Variants in LAMP5 observed in about 807,000 individuals in gnomAD.
LAMP5 encodes lysosome-associated membrane glycoprotein 5.
In LAMP5, 36 loss-of-function variants were observed where a neutral mutation model predicts 30.2. The observed-to-expected ratio is 1.19, with a 90% CI of 0.91 to 1.57. The LOEUF (loss-of-function observed/expected upper bound fraction) is 1.57. LAMP5 is among the 40% of genes most tolerant of loss of function. The pLI is 0.00. For synonymous variants in LAMP5, 149 were observed against 134.6 expected (o/e 1.11, Z -0.74); for missense variants, 377 against 354.9 (o/e 1.06, Z -0.50).
Position 9,514,697 on chromosome 20 carries a change from C to T in LAMP5, c.-156C>T. 1 of 650,112 alleles carries T rather than the reference C, an allele frequency of 1.5e-6. No individual in the cohort carries two copies. 40.3% of individuals were successfully genotyped at this position (650,112 alleles called of 1,614,324 possible). The stretch of plus-strand genomic sequence containing the variant: ...TCGGTGCCGCGCTCGACACCGAGTC[C>T]TAGCTAGGCGCTCACAGAATACGCG... On this transcript the variant is annotated 5_prime_UTR_variant, in exon 1 of 6. Coordinates refer to ENST00000246070, the MANE Select transcript of LAMP5 (RefSeq NM_012261.4).
intron 1 of LAMP5, 119 bp from the exon 2 acceptor site, chr20:9,515,334 C>T: frequency 1.2e-6 from 1 of 869,536 alleles, no homozygotes; most frequent in Admixed American, 2.8e-5. Flanking sequence ...GTAGAGCGCA[C>T]AGCTGCTGGC....
chr20:9,519,417 A>G (rs2327182), intron 5 of LAMP5, among the ~76,000 whole-genome samples: 44,036 of 152,034 alleles, frequency 0.29, 10,266 homozygotes, highest in African/African-American at 0.65. Context: ...ACCACCTTCC[A>G]CCTTGATTAT....
At chr20:9,522,277 G>A (rs1044219481) in intron 5 of LAMP5, among the ~76,000 whole-genome samples, 15 of 152,106 alleles carry the variant, frequency 9.9e-5, no homozygotes, top group Admixed American at 2.0e-4. Flanking sequence ...CCAGATCTGC[G>A]GGAACTTTAG....
At chr20:9,520,540 A>T (rs576718250) in intron 5 of LAMP5, among the ~76,000 whole-genome samples, 1 of 151,832 alleles carries the variant, frequency 6.6e-6, no homozygotes, top group East Asian at 1.9e-4. Flanking sequence ...ATCACGTCAT[A>T]TATCTGCACA....
chr20:9,516,340 CA>C lies in LAMP5; in HGVS notation c.455del (p.His152ProfsTer50). 6.2e-7 allele frequency: 1 copy of C among 1,614,094 alleles called. No homozygotes were observed. The stretch of plus-strand genomic sequence containing the variant: ...TGTCTACGACTCCTCGGAGAAAACC[CA>C]CTTCAAAGACGCAGTCAGTGGTGAG... Reference protein sequence around the residue: ...QFVYDSSEKTHFKDAVSAGKH... With the variant: ...QFVYDSSEKTXFKDAVSAGKH... On this transcript the variant is annotated frameshift_variant, in exon 4 of 6. Transcript: ENST00000246070. LOFTEE classifies it high-confidence loss of function.
Position 9,516,271 on chromosome 20 carries a change from T to G in LAMP5, c.385T>G (p.Ser129Ala). 6.2e-7 allele frequency: 1 copy of G among 1,614,072 alleles called. No individual in the cohort carries two copies. Among genetic ancestry groups the G allele is most frequent in the Non-Finnish European group, 8.5e-7 (1 of 1,179,996 alleles). Residue 129 changes from serine to alanine, a missense_variant, in exon 4 of 6, where the codon TCC becomes GCC. Physicochemically the swap from Ser to Ala is moderately conservative, Grantham distance 99 (BLOSUM62 1). Coordinates refer to ENST00000246070, the MANE Select transcript of LAMP5 (RefSeq NM_012261.4). ...GGCTCAACAGGAAAGCCACAACATGTCCAAGGGACCTGAGGCGACTTGGAG... is the reference window on the plus strand; with the variant it reads ...GGCTCAACAGGAAAGCCACAACATGGCCAAGGGACCTGAGGCGACTTGGAG... ...MLFVKESHNM[S>A]KGPEATWRLS...
intron 5 of LAMP5, among the ~76,000 whole-genome samples, chr20:9,526,343 C>A (rs547019851): frequency 2.2e-4 from 34 of 152,266 alleles, no homozygotes; most frequent in African/African-American, 8.2e-4. Flanking sequence ...TTGCCACTAG[C>A]GCCTGCAAAC....
chr20:9,522,047 G>A (rs1486447698), intron 5 of LAMP5, among the ~76,000 whole-genome samples: 1 of 152,226 alleles, frequency 6.6e-6, no homozygotes, highest in East Asian at 1.9e-4. Flanking sequence ...ACAGGGAGGT[G>A]AAGCGAATTG....
intron 5 of LAMP5, among the ~76,000 whole-genome samples, chr20:9,526,014 A>C (rs754499619): frequency 1.2e-4 from 18 of 152,228 alleles, no homozygotes; most frequent in Non-Finnish European, 2.5e-4. Flanking sequence ...AGTCTGGGTA[A>C]CTATGAAATT....
chr20:9,528,309 T>TGC (rs1224831553), intron 5 of LAMP5, among the ~76,000 whole-genome samples: 4 of 137,714 alleles, frequency 2.9e-5, no homozygotes, highest in African/African-American at 6.1e-5. Context: ...TGTGTGTGTG[T>TGC]GTGTGTGTGT....
intron 4 of LAMP5, 33 bp from the exon 5 acceptor site, chr20:9,518,007 G>C (rs765524474): frequency 6.3e-7 from 1 of 1,594,930 alleles, no homozygotes; most frequent in East Asian, 2.2e-5. Context: ...GAACAATGAG[G>C]GTTCTAACTA....
chr20:9,524,218 C>T (rs1353150190), intron 5 of LAMP5, among the ~76,000 whole-genome samples: 2 of 152,068 alleles, frequency 1.3e-5, no homozygotes, highest in Non-Finnish European at 2.9e-5. Flanking sequence ...TTTCACTTTC[C>T]CTTGTAATTG....
rs756345948 is a variant in LAMP5 at position 9,518,242 on chromosome 20, G to A, written c.664+14G>A. On this transcript the variant is annotated intron_variant, in intron 5 of 5. Coordinates refer to ENST00000246070, the MANE Select transcript of LAMP5 (RefSeq NM_012261.4). ...TCTTCAGTGAAGGTAAGTTGTTGGG[G>A]GATGGAGGGGAAGAAGACCTAGTTT... The A allele has an allele frequency of 3.0e-5, 49 of 1,611,822 alleles. No individual in the cohort carries two copies. Among genetic ancestry groups the A allele is most frequent in the Non-Finnish European group, 3.9e-5 (46 of 1,178,184 alleles).
chr20:9,523,706 A>G (rs772307941), intron 5 of LAMP5, among the ~76,000 whole-genome samples: 2 of 152,012 alleles, frequency 1.3e-5, no homozygotes, highest in Non-Finnish European at 2.9e-5. Flanking sequence ...GTCCACCAAG[A>G]GCAAAGGCAT....
intron 5 of LAMP5, among the ~76,000 whole-genome samples, chr20:9,520,528 A>G (rs2045072376): frequency 6.6e-6 from 1 of 151,998 alleles, no homozygotes; most frequent in South Asian, 2.1e-4. Context: ...TGGAGAAGGA[A>G]TATCACGTCA....
intron 5 of LAMP5, among the ~76,000 whole-genome samples, chr20:9,524,771 T>G (rs950319428): frequency 6.6e-6 from 1 of 152,158 alleles, no homozygotes; most frequent in South Asian, 2.1e-4. Flanking sequence ...ATCTGTTTCC[T>G]GCGGTGAAAC....
intron 3 of LAMP5, 34 bp from the exon 4 acceptor site, chr20:9,516,222 G>T (rs1333012485): frequency 6.2e-7 from 1 of 1,613,268 alleles, no homozygotes; most frequent in South Asian, 1.1e-5. Context: ...AGACGCTGCG[G>T]GGACGATTGA....
At chr20:9,526,936 A>T (rs1326191631) in intron 5 of LAMP5, among the ~76,000 whole-genome samples, 2 of 141,892 alleles carry the variant, frequency 1.4e-5, no homozygotes, top group African/African-American at 5.1e-5. Flanking sequence ...TTTAGGTACA[A>T]TTGTATGCAT....
chr20:9,529,874 A>G lies in LAMP5; in HGVS notation c.*54A>G, dbSNP rs2045139109. 1.3e-6 allele frequency: 2 copies of G among 1,559,044 alleles called. No homozygotes were observed. Among genetic ancestry groups the G allele is most frequent in the Non-Finnish European group, 1.8e-6 (2 of 1,136,700 alleles). On this transcript the variant is annotated 3_prime_UTR_variant, in exon 6 of 6. Transcript: ENST00000246070. The stretch of plus-strand genomic sequence containing the variant: ...TGCTCCCCCAACTGGATCAGGTAGA[A>G]CAACAAAAGCACTTTTCCATCTTGT...
Sources: gnomAD v4.1 joint callset for allele counts (sites outside exome capture counted in the v4.1 genomes callset) on GRCh38, gnomAD v4.1.1 for gene constraint, MANE v1.5 for transcripts, NCBI Gene and HGNC (gene_info 2026-07-23, HGNC 2026-07-21) for gene names.